The following ABCC8 variants were observed in gnomAD, a reference collection of about 807,000 sequenced individuals.
The protein encoded by ABCC8 is ATP binding cassette subfamily C member 8.
ABCC8 carries 137 observed loss-of-function variants against 188.0 expected under a neutral mutation model. That is an observed-to-expected ratio of 0.73 (90% CI 0.63 to 0.84). ABCC8 has a LOEUF of 0.84. Ranked by LOEUF, ABCC8 falls within the 40% of genes least tolerant of loss-of-function variation. ABCC8 has a pLI of 0.00. For missense variants in ABCC8, 1,750 were observed against 2,072.7 expected (o/e 0.84, Z 3.02); for synonymous variants, 797 against 846.5 (o/e 0.94, Z 1.01).
chr11:17,439,050 C>T (rs746269793), intron 10 of ABCC8, among the ~76,000 whole-genome samples: 5 of 152,174 alleles, frequency 3.3e-5, no homozygotes, highest in African/African-American at 4.8e-5. Flanking sequence ...TCCTGGAGAA[C>T]GGGGAGAACA....
chr11:17,397,604 G>T (rs1954007362), intron 31 of ABCC8, 80 bp downstream of exon 31: 5 of 1,525,668 alleles, frequency 3.3e-6, no homozygotes, highest in Middle Eastern at 3.4e-4. Flanking sequence ...GCCTGGGAGT[G>T]TCTCATGTCT....
At chr11:17,459,735 A>G (rs1194581305) in intron 6 of ABCC8, among the ~76,000 whole-genome samples, 1 of 152,218 alleles carries the variant, frequency 6.6e-6, no homozygotes, top group Admixed American at 6.5e-5. Context: ...AAGGAAACAG[A>G]CAACAGAGCA....
Position 17,427,065 on chromosome 11 carries a change from C to T in ABCC8, c.2206G>A (p.Ala736Thr). ...ALGEMQKVSG[A>T]VFWSSLPDSE... ...ATGTATTACCTGCTCCAGAAGACAG[C>T]CCCTGAGACCTTCTGCATCTCCCCC... Residue 736 changes from alanine (A) to threonine (T), a missense_variant, in exon 16 of 39, where the codon GCT (alanine) becomes ACT (threonine). Transcript: ENST00000389817. The surrounding 1 kb of genome is among the most constrained non-coding windows in gnomAD (Gnocchi z 5.0). 1.9e-6 allele frequency: 3 copies of T among 1,613,958 alleles called. No homozygotes were observed. The highest frequency in any genetic ancestry group is 2.5e-6 in the Non-Finnish European group (3 of 1,179,944).
intron 10 of ABCC8, among the ~76,000 whole-genome samples, chr11:17,434,984 C>T (rs77451902): frequency 0.02 from 2,875 of 144,728 alleles, 106 homozygotes; most frequent in African/African-American, 0.072. Context: ...CGTGTGTTCG[C>T]GTGTGTGTGT....
At chr11:17,432,405 T>C in intron 10 of ABCC8, 161 bp from the exon 11 acceptor site, 1 of 1,434,210 alleles carries the variant, frequency 7.0e-7, no homozygotes, top group South Asian at 1.4e-5. Flanking sequence ...GCACTTCCAG[T>C]TCCTCACCCC....
chr11:17,460,909 G>A, intron 5 of ABCC8: 1 of 767,454 alleles, frequency 1.3e-6, no homozygotes, highest in Admixed American at 2.9e-5. Context: ...GATTGCTCAA[G>A]GTCACACAGC....
intron 3 of ABCC8, chr11:17,465,335 C>T (rs1189665557): frequency 6.6e-6 from 1 of 152,246 alleles, no homozygotes; most frequent in Non-Finnish European, 1.5e-5. Flanking sequence ...TTGTCCCTAA[C>T]ACTTAACAGA....
chr11:17,434,600 G>A (rs1020263714), intron 10 of ABCC8, among the ~76,000 whole-genome samples: 6 of 152,206 alleles, frequency 3.9e-5, no homozygotes, highest in Non-Finnish European at 8.8e-5. Context: ...TGCATCAGCC[G>A]TGGGGGAGAT....
intron 29 of ABCC8, among the ~76,000 whole-genome samples, chr11:17,399,399 A>G (rs1254632944): frequency 2.0e-5 from 3 of 151,712 alleles, no homozygotes; most frequent in Non-Finnish European, 2.9e-5. Context: ...CCCACACACT[A>G]TGCTGCAGCC....
At chr11:17,401,622 C>G (rs1954248877) in intron 29 of ABCC8, among the ~76,000 whole-genome samples, 1 of 152,194 alleles carries the variant, frequency 6.6e-6, no homozygotes, top group African/African-American at 2.4e-5. Context: ...CTTCGTGCAG[C>G]TGTGCCACCC....
intron 17 of ABCC8, 113 bp from the exon 18 acceptor site, chr11:17,415,452 AC>A: frequency 6.5e-7 from 1 of 1,545,100 alleles, no homozygotes. Flanking sequence ...AATCCCCTGG[AC>A]CCAGTCTGTA....
At chr11:17,430,006 G>A (rs1248325874) in intron 12 of ABCC8, 1 of 152,452 alleles carries the variant, frequency 6.6e-6, no homozygotes, top group African/African-American at 2.4e-5. Context: ...CATGAGACAG[G>A]GGTGTCACCT....
chr11:17,454,081 C>G (rs1183344713), intron 6 of ABCC8, among the ~76,000 whole-genome samples: 2 of 152,222 alleles, frequency 1.3e-5, no homozygotes, highest in Admixed American at 6.5e-5. Context: ...AGACAGATCT[C>G]TGCTCTTTCT....
chr11:17,406,477 AG>A, intron 26 of ABCC8, 144 bp downstream of exon 26: 1 of 813,496 alleles, frequency 1.2e-6, no homozygotes. Flanking sequence ...TTGCACAAGG[AG>A]GGCACTTTTA....
intron 12 of ABCC8, 144 bp downstream of exon 12, chr11:17,430,670 C>T (rs1406234272): frequency 2.0e-6 from 2 of 1,021,880 alleles, no homozygotes; most frequent in Non-Finnish European, 1.5e-6. Flanking sequence ...GTCCCTCTGA[C>T]CAACCAGGAC....
rs374239596 is a variant in ABCC8 at position 17,454,726 on chromosome 11, G to A, written c.1012-1443C>T. 1.1e-4 allele frequency among the ~76,000 whole-genome samples: 17 copies of A among 152,274 alleles called. No homozygotes were observed. The South Asian group carries it at 1.7e-3, about 15-fold the overall frequency. On this transcript the variant is annotated intron_variant, in intron 6 of 38. Transcript: ENST00000389817. ...CCCATTTCATACATGAAAAAAAGGA[G>A]TTTCAGTAGGGTTAGTGGCTGGCCC...
chr11:17,458,245 G>A (rs1957066110), intron 6 of ABCC8, among the ~76,000 whole-genome samples: 1 of 152,230 alleles, frequency 6.6e-6, no homozygotes, highest in Admixed American at 6.5e-5. Flanking sequence ...TGCCACTGAG[G>A]CAGGGCCATC....
intron 11 of ABCC8, 80 bp from the exon 12 acceptor site, chr11:17,431,039 G>A: frequency 6.4e-7 from 1 of 1,574,466 alleles, no homozygotes; most frequent in Non-Finnish European, 8.6e-7. Flanking sequence ...AGCACTGGAA[G>A]GGAAATGAGA....
chr11:17,406,124 T>G (rs563521077), intron 26 of ABCC8, among the ~76,000 whole-genome samples: 1 of 152,342 alleles, frequency 6.6e-6, no homozygotes, highest in East Asian at 1.9e-4. Flanking sequence ...TTAAGCCAAG[T>G]TGGCCAACCA....
Sources: allele counts gnomAD v4.1 joint callset (sites outside exome capture counted in the v4.1 genomes callset), GRCh38; gene constraint gnomAD v4.1.1; non-coding constraint Gnocchi (gnomAD v3.1); transcripts MANE v1.5; gene names NCBI Gene and HGNC (gene_info 2026-07-23, HGNC 2026-07-21).